LTBP1: variants seen among roughly 807,000 people sequenced by gnomAD.
LTBP1 encodes latent-transforming growth factor beta-binding protein 1.
In LTBP1, 129 loss-of-function variants were observed where a neutral mutation model predicts 207.6. The ratio of observed to expected loss-of-function variants is 0.62; its 90% CI spans 0.54 to 0.72. The LOEUF (loss-of-function observed/expected upper bound fraction) is 0.72. LTBP1 is among the 30% of genes least tolerant of loss of function. The pLI is 0.00. For missense variants in LTBP1, 2,281 were observed against 2,217.2 expected, an observed-to-expected ratio of 1.03 and a Z score of -0.58; for synonymous variants, 963 against 833.7, an observed-to-expected ratio of 1.16 and a Z score of -2.67.
At chr2:33,257,579 T>G in intron 12 of LTBP1, 68 bp downstream of exon 12, 1 of 1,309,364 alleles carries the variant, frequency 7.6e-7, no homozygotes, top group Non-Finnish European at 1.1e-6. Flanking sequence ...TTTCCCTGTT[T>G]ATAACCCTCT....
intron 2 of LTBP1, among the ~76,000 whole-genome samples, chr2:32,963,922 A>C (rs1334334350): frequency 6.6e-6 from 1 of 152,256 alleles, no homozygotes; most frequent in Non-Finnish European, 1.5e-5. Flanking sequence ...AAGAATGATG[A>C]GAAAGAGATT....
chr2:33,378,672 T>G (rs17012901), intron 31 of LTBP1, among the ~76,000 whole-genome samples: 7,233 of 152,300 alleles, frequency 0.047, 173 homozygotes, highest in African/African-American at 0.058. Context: ...TTAAGCACTG[T>G]TCTAAGTTTG....
intron 9 of LTBP1, among the ~76,000 whole-genome samples, chr2:33,224,707 T>G (rs1177805370): frequency 6.6e-6 from 1 of 152,204 alleles, no homozygotes; most frequent in Non-Finnish European, 1.5e-5. Context: ...TCAAATGTAT[T>G]AATATGAAAT....
At chr2:33,021,696 T>G (rs999303441) in intron 3 of LTBP1, among the ~76,000 whole-genome samples, 4 of 152,228 alleles carry the variant, frequency 2.6e-5, no homozygotes, top group African/African-American at 9.6e-5. Flanking sequence ...AGTAGCAGGT[T>G]AAGTGTACCT....
At chr2:33,141,277 G>C (rs2082627723) in intron 5 of LTBP1, among the ~76,000 whole-genome samples, 1 of 152,196 alleles carries the variant, frequency 6.6e-6, no homozygotes, top group Admixed American at 6.5e-5. Flanking sequence ...TGGTTGCCAG[G>C]GGTCACCCGG....
chr2:33,209,573 A>G (rs902223544), intron 7 of LTBP1, among the ~76,000 whole-genome samples: 6 of 152,238 alleles, frequency 3.9e-5, no homozygotes, highest in African/African-American at 1.4e-4. Context: ...CACAGCATTA[A>G]TTCACTGAGT....
intron 10 of LTBP1, among the ~76,000 whole-genome samples, chr2:33,249,529 CTT>C (rs2092621123): frequency 6.6e-6 from 1 of 152,032 alleles, no homozygotes; most frequent in Non-Finnish European, 1.5e-5. Context: ...GCTTTTTACT[CTT>C]GTTTTGTAAT....
intron 2 of LTBP1, among the ~76,000 whole-genome samples, chr2:32,965,839 A>G (rs1420754214): frequency 6.6e-6 from 1 of 152,210 alleles, no homozygotes; most frequent in East Asian, 1.9e-4. Context: ...TTGTGTAAAT[A>G]CCAAGGAGTG....
intron 3 of LTBP1, among the ~76,000 whole-genome samples, chr2:33,030,577 G>A (rs2075647587): frequency 1.3e-5 from 2 of 152,328 alleles, no homozygotes; most frequent in African/African-American, 2.4e-5. Context: ...GGAAAATTTA[G>A]TGTGCATATT....
intron 11 of LTBP1, among the ~76,000 whole-genome samples, chr2:33,255,815 A>G (rs1041525975): frequency 3.3e-5 from 5 of 152,204 alleles, no homozygotes; most frequent in Admixed American, 1.3e-4. Context: ...CAGACATTCA[A>G]TAGAAGATCT....
intron 10 of LTBP1, among the ~76,000 whole-genome samples, chr2:33,249,740 C>T (rs1002183764): frequency 1.3e-5 from 2 of 152,110 alleles, no homozygotes; most frequent in African/African-American, 4.8e-5. Flanking sequence ...GTATCAGAAT[C>T]TTTTTGCCGT....
At chr2:33,373,505 T>G (rs1019418428) in intron 31 of LTBP1, among the ~76,000 whole-genome samples, 11 of 152,308 alleles carry the variant, frequency 7.2e-5, no homozygotes, top group African/African-American at 2.6e-4. Context: ...CAAAGCAATG[T>G]CAGTATGTAT....
At chr2:33,089,155 C>CAAAAAAAAAAAAAAA (rs61009791) in intron 3 of LTBP1, among the ~76,000 whole-genome samples, 2 of 96,418 alleles carry the variant, frequency 2.1e-5, no homozygotes, top group African/African-American at 3.7e-5. Context: ...GACTCAGTCT[C>CAAAAAAAAAAAAAAA]AAAAAAAAAA....
chr2:33,158,745 A>G (rs1359575766), intron 5 of LTBP1, among the ~76,000 whole-genome samples: 3 of 152,158 alleles, frequency 2.0e-5, no homozygotes. Context: ...ATATAAACTC[A>G]AGTCTCTTGG....
At chr2:33,263,422 A>C (rs757399644) in intron 15 of LTBP1, 30 bp downstream of exon 15, 7 of 1,510,482 alleles carry the variant, frequency 4.6e-6, no homozygotes, top group Middle Eastern at 3.4e-4. Flanking sequence ...ATTATATATC[A>C]CATGGAGGAG....
chr2:33,222,376 T>C (rs1000568673), intron 9 of LTBP1, among the ~76,000 whole-genome samples: 1 of 152,166 alleles, frequency 6.6e-6, no homozygotes, highest in Admixed American at 6.5e-5. Context: ...CTAAAAGAGT[T>C]TGGATAGAAT....
intron 2 of LTBP1, among the ~76,000 whole-genome samples, chr2:33,013,326 A>G (rs892484077): frequency 4.6e-5 from 7 of 152,058 alleles, no homozygotes; most frequent in Non-Finnish European, 1.0e-4. Flanking sequence ...TAATTTGGAC[A>G]TTACCCTATA....
chr2:33,262,839 G>A lies in LTBP1; in HGVS notation c.2518+18G>A, dbSNP rs781396944. The A allele has an allele frequency of 2.3e-5, 36 of 1,547,074 alleles. No homozygotes were observed. In the Admixed American group the frequency reaches 6.7e-4, roughly 29 times the overall value. ...GTTTCCAGGTAGCCTGTGTTGATCT[G>A]TGCTGTTTGTCAGAGTATTCTGAAT... On this transcript the variant is annotated intron_variant, in intron 14 of 33. Transcript: ENST00000404816.
chr2:33,397,302 T>C lies in LTBP1; in HGVS notation c.4984+20T>C. On this transcript the variant is annotated intron_variant, in intron 33 of 33. Transcript: ENST00000404816. Reference sequence around the variant, plus strand: ...GTGTCGGTAAGAATGACGTGTGTTTTATGGGACATTAATTTTTTCCTGACA... The same window carrying C: ...GTGTCGGTAAGAATGACGTGTGTTTCATGGGACATTAATTTTTTCCTGACA... 6.2e-7 allele frequency: 1 copy of C among 1,612,762 alleles called. No individual in the cohort carries two copies. The highest frequency in any genetic ancestry group is 8.5e-7 in the Non-Finnish European group (1 of 1,178,852).
Sources: gnomAD v4.1 joint callset for allele counts (sites outside exome capture counted in the v4.1 genomes callset) on GRCh38, gnomAD v4.1.1 for gene constraint, MANE v1.5 for transcripts, NCBI Gene and HGNC (gene_info 2026-07-23, HGNC 2026-07-21) for gene names.